RGS12: variants seen among roughly 807,000 people sequenced by gnomAD.
RGS12 encodes regulator of G protein signaling 12, also known as regulator of G-protein signaling 12.
Under a neutral mutation model 120.1 loss-of-function variants are expected in RGS12, and 66 were observed. The observed-to-expected ratio is 0.55, with a 90% CI of 0.45 to 0.67. The LOEUF (loss-of-function observed/expected upper bound fraction) is 0.67, where lower values mean the gene tolerates loss of function less well. RGS12 is among the 30% of genes least tolerant of loss of function. The probability of loss-of-function intolerance (pLI) is 0.00; values close to 1 mark genes in which losing one functional copy is unlikely to be tolerated. For synonymous variants in RGS12, 827 were observed against 804.7 expected, an observed-to-expected ratio of 1.03 and a Z score of -0.47; for missense variants, 1,859 against 1,957.7, an observed-to-expected ratio of 0.95 and a Z score of 0.95.
chr4:3,291,077 C>T (rs899838362), upstream of RGS12, among the ~76,000 whole-genome samples: 2 of 152,234 alleles, frequency 1.3e-5, no homozygotes, highest in African/African-American at 4.8e-5. Flanking sequence ...TGCTCGTCCT[C>T]TTCCCCTACC....
intron 4 of RGS12, among the ~76,000 whole-genome samples, chr4:3,409,107 C>G (rs1178135702): frequency 6.6e-6 from 1 of 152,184 alleles, no homozygotes; most frequent in African/African-American, 2.4e-5. Flanking sequence ...GGTCTGGCAC[C>G]CACACCGCCC....
Position 3,372,794 on chromosome 4 carries a change from G to A in RGS12, c.1999-13622G>A, listed in dbSNP as rs886123876. 1.3e-5 allele frequency among the ~76,000 whole-genome samples: 2 copies of A among 152,250 alleles called. No homozygotes were observed. Among genetic ancestry groups the A allele is most frequent in the Admixed American group, 1.3e-4 (2 of 15,292 alleles). ...TCTTCATTTCTCTCAGCACGGGGTT[G>A]TCTTCAGGCTGCCAGAGCGTGACAG... is the stretch of plus-strand genomic sequence containing the variant. On this transcript the variant is annotated intron_variant, in intron 3 of 17. Coordinates refer to ENST00000336727, the MANE Select transcript of RGS12 (RefSeq NM_001394154.1). The surrounding 1 kb of genome is among the most constrained non-coding windows in gnomAD (Gnocchi z 4.3).
chr4:3,377,263 T>C (rs1578867245), intron 3 of RGS12, among the ~76,000 whole-genome samples: 1 of 152,258 alleles, frequency 6.6e-6, no homozygotes, highest in Middle Eastern at 3.4e-3. Flanking sequence ...GTAGTGGCAG[T>C]GTCTTGCCAT....
chr4:3,430,192 T>C (rs1351883502), intron 16 of RGS12, among the ~76,000 whole-genome samples: 1 of 152,176 alleles, frequency 6.6e-6, no homozygotes, highest in African/African-American at 2.4e-5. Flanking sequence ...ACACAGCTTT[T>C]TCAGACTCCT....
At chr4:3,295,944 G>C (rs1224897686) in intron 1 of RGS12, among the ~76,000 whole-genome samples, 3 of 152,182 alleles carry the variant, frequency 2.0e-5, no homozygotes, top group Non-Finnish European at 1.5e-5. Flanking sequence ...ATTTGCCCTA[G>C]TTGGGCTGAA....
At position 3,439,452 on chromosome 4, in the gene RGS12, C is replaced by G; in HGVS notation, c.4115-3C>G. On this transcript the variant is annotated splice_region_variant and splice_polypyrimidine_tract_variant and intron_variant, in intron 17 of 17. Coordinates refer to ENST00000336727, the MANE Select transcript of RGS12 (RefSeq NM_001394154.1). ...GTGACAGCTTCTCTTCTCCTTGTGA[C>G]AGGAAGTGGGACCCATGGCAGCCGA... 2 of 1,612,752 alleles carry G rather than the reference C, an allele frequency of 1.2e-6. No homozygotes were observed. The highest frequency in any genetic ancestry group is 1.7e-6 in the Non-Finnish European group (2 of 1,179,862).
chr4:3,415,920 C>CA, intron 6 of RGS12, 58 bp from the exon 7 acceptor site: 1 of 1,549,204 alleles, frequency 6.5e-7, no homozygotes, highest in Non-Finnish European at 8.7e-7. Context: ...CCTTGGCAGG[C>CA]AGCAGGAGTG....
At chr4:3,297,121 C>G (rs755728627) in intron 1 of RGS12, among the ~76,000 whole-genome samples, 1 of 152,222 alleles carries the variant, frequency 6.6e-6, no homozygotes, top group African/African-American at 2.4e-5. Flanking sequence ...CTAGTTTGTT[C>G]TTTCTGTTTT....
intron 4 of RGS12, among the ~76,000 whole-genome samples, chr4:3,397,189 A>C (rs1720126189): frequency 6.6e-6 from 1 of 152,206 alleles, no homozygotes; most frequent in South Asian, 2.1e-4. Context: ...AAGACCTTGC[A>C]AGGACTTGAG....
In RGS12 at chr4:3,406,608, C is replaced by G. The variant is rs565913112; in HGVS notation, c.2021-7464C>G. On this transcript the variant is annotated intron_variant, in intron 4 of 17. Coordinates refer to ENST00000336727, the MANE Select transcript of RGS12 (RefSeq NM_001394154.1). ...GTCCTAACTGCAGAGAGTGCAGTGTCCTAGAAAAATGGAGACTGTGTGTCA... is the reference window on the plus strand; with the variant it reads ...GTCCTAACTGCAGAGAGTGCAGTGTGCTAGAAAAATGGAGACTGTGTGTCA... 1.6e-4 allele frequency among the ~76,000 whole-genome samples: 25 copies of G among 152,324 alleles called. No homozygotes were observed. In the South Asian group the frequency reaches 4.6e-3, roughly 28 times the overall value.
intron 1 of RGS12, among the ~76,000 whole-genome samples, chr4:3,297,787 G>A (rs953367481): frequency 2.6e-5 from 4 of 152,068 alleles, no homozygotes; most frequent in Admixed American, 1.3e-4. Context: ...TGCATTTCCC[G>A]CTGCTGTCCT....
chr4:3,286,300 C>T, the RGS12 span, among the ~76,000 whole-genome samples: 8 of 152,210 alleles, frequency 5.3e-5, no homozygotes, highest in African/African-American at 1.9e-4. Context: ...GGAAGCCTTT[C>T]TCCTGAGATC....
At chr4:3,293,588 G>A (rs1723177685) in intron 1 of RGS12, among the ~76,000 whole-genome samples, 2 of 152,204 alleles carry the variant, frequency 1.3e-5, no homozygotes, top group Admixed American at 6.5e-5. Flanking sequence ...ACCTGGGGTC[G>A]CCTCAGCCGC....
chr4:3,297,935 A>G (rs997401995), intron 1 of RGS12, among the ~76,000 whole-genome samples: 43 of 152,240 alleles, frequency 2.8e-4, no homozygotes, highest in African/African-American at 9.9e-4. Context: ...GATTTAGAAA[A>G]CATCTTTATT....
Position 3,316,912 on chromosome 4 carries a change from G to C in RGS12, c.742G>C (p.Glu248Gln). Residue 248 changes from glutamate to glutamine, a missense_variant, in exon 2 of 18, where the codon GAG (glutamate) becomes CAG (glutamine). By Grantham distance (29) the Glu-to-Gln change is conservative (BLOSUM62 2). Transcript: ENST00000336727. ...GCTTCCTTCCACGAGCTCCAACCTGGAGTCCGACAGCTTGCAAGCCATCCG... is the reference window on the plus strand; with the variant it reads ...GCTTCCTTCCACGAGCTCCAACCTGCAGTCCGACAGCTTGCAAGCCATCCG... Reference protein sequence around the residue: ...IELPSTSSNLESDSLQAIRGC... With the variant: ...IELPSTSSNLQSDSLQAIRGC... 1 of 1,613,986 alleles carries C rather than the reference G, an allele frequency of 6.2e-7. No individual in the cohort carries two copies. Among genetic ancestry groups the C allele is most frequent in the Non-Finnish European group, 8.5e-7 (1 of 1,180,044 alleles).
chr4:3,357,750 C>G (rs2108824771), intron 3 of RGS12, among the ~76,000 whole-genome samples: 1 of 152,276 alleles, frequency 6.6e-6, no homozygotes, highest in South Asian at 2.1e-4. Context: ...CAGTGCCACA[C>G]TGTTTTGATT....
chr4:3,395,382 C>T (rs1719951150), intron 4 of RGS12, among the ~76,000 whole-genome samples: 2 of 152,174 alleles, frequency 1.3e-5, no homozygotes, highest in Admixed American at 1.3e-4. Context: ...CTCTTGATGA[C>T]ATCGTGTTGG....
intron 4 of RGS12, among the ~76,000 whole-genome samples, chr4:3,391,857 G>T (rs1005502993): frequency 6.6e-6 from 1 of 152,040 alleles, no homozygotes; most frequent in South Asian, 2.1e-4. Flanking sequence ...TCAGCTTCTC[G>T]GTCTGGGAGG....
chr4:3,362,746 GGT>G (rs36131080), intron 3 of RGS12, among the ~76,000 whole-genome samples: 38,415 of 133,724 alleles, frequency 0.29, 5,925 homozygotes, highest in African/African-American at 0.37. Context: ...TCTGTGTGAG[GGT>G]GTGTGTGAAG....
Sources: allele counts gnomAD v4.1 joint callset (sites outside exome capture counted in the v4.1 genomes callset), GRCh38; gene constraint gnomAD v4.1.1; non-coding constraint Gnocchi (gnomAD v3.1); transcripts MANE v1.5; gene names NCBI Gene and HGNC (gene_info 2026-07-23, HGNC 2026-07-21).